LCLAT1: variants seen among roughly 807,000 people sequenced by gnomAD.
LCLAT1 encodes 1-AGP acyltransferase 8.
A neutral mutation model predicts 30.7 loss-of-function variants in LCLAT1; 11 were observed. That is an observed-to-expected ratio of 0.36 (90% CI 0.23 to 0.59). LCLAT1 has a LOEUF of 0.59. LCLAT1 is among the 20% of genes least tolerant of loss of function. LCLAT1 has a pLI of 0.77. For synonymous variants in LCLAT1, 155 were observed against 151.3 expected (o/e 1.02, Z -0.18); for missense variants, 402 against 458.6 (o/e 0.88, Z 1.13).
chr2:30,501,079 TGTGTGTGTG>T (rs1684358226), intron 1 of LCLAT1, among the ~76,000 whole-genome samples: 2 of 74,156 alleles, frequency 2.7e-5, no homozygotes, highest in African/African-American at 9.0e-5. Context: ...TTTTGTTCTG[TGTGTGTGTG>T]TGTGTGTGTA....
chr2:30,449,353 G>A (rs1043021566), intron 1 of LCLAT1, among the ~76,000 whole-genome samples: 1 of 152,174 alleles, frequency 6.6e-6, no homozygotes, highest in Non-Finnish European at 1.5e-5. Context: ...GTGATCTTGT[G>A]TAAATAATAA....
At chr2:30,518,416 C>G (rs1685297798) in intron 1 of LCLAT1, among the ~76,000 whole-genome samples, 1 of 152,028 alleles carries the variant, frequency 6.6e-6, no homozygotes, top group Non-Finnish European at 1.5e-5. Context: ...AATTGGTCTG[C>G]TCAAACGTGC....
chr2:30,533,248 C>T lies in LCLAT1; in HGVS notation c.298C>T (p.Arg100Ter), dbSNP rs1251476406. Residue 100 changes from arginine (R) to a stop codon, truncating the protein, a stop_gained, in exon 3 of 6, where the codon CGA (arginine) becomes TGA (stop). Coordinates refer to ENST00000379509, the MANE Select transcript of LCLAT1 (RefSeq NM_001002257.3). LOFTEE classifies it high-confidence loss of function. ...DWMFLWNCLM[R>*]YSYLRLEKIC... is the part of the protein sequence containing the mutation. The stretch of plus-strand genomic sequence containing the variant: ...GATGTTCCTGTGGAATTGCCTGATG[C>T]GATATAGCTACCTCAGATTGGAGAA... The T allele has an allele frequency of 8.7e-6, 14 of 1,613,782 alleles. No individual in the cohort carries two copies. Among genetic ancestry groups the T allele is most frequent in the East Asian group, 4.5e-5 (2 of 44,878 alleles).
chr2:30,538,123 A>G (rs893275500), intron 3 of LCLAT1, among the ~76,000 whole-genome samples: 1 of 152,182 alleles, frequency 6.6e-6, no homozygotes, highest in African/African-American at 2.4e-5. Flanking sequence ...TACATCAAAA[A>G]AGTAAAAAGA....
intron 1 of LCLAT1, among the ~76,000 whole-genome samples, chr2:30,520,067 C>G (rs1452026188): frequency 1.3e-5 from 2 of 152,314 alleles, no homozygotes; most frequent in East Asian, 3.9e-4. Context: ...GAACACTTGT[C>G]TCTGGGTTCC....
intron 1 of LCLAT1, among the ~76,000 whole-genome samples, chr2:30,493,595 T>A (rs1220840753): frequency 6.6e-6 from 1 of 152,200 alleles, no homozygotes; most frequent in African/African-American, 2.4e-5. Flanking sequence ...ATGTGTGTAG[T>A]TGTGTAACCC....
intron 5 of LCLAT1, among the ~76,000 whole-genome samples, chr2:30,604,689 C>T (rs1431525508): frequency 4.6e-4 from 56 of 122,348 alleles, no homozygotes; most frequent in Non-Finnish European, 1.4e-4. Context: ...AAAAAGTAAA[C>T]ATCATTCGTA....
At chr2:30,471,777 G>T (rs1008526416) in intron 1 of LCLAT1, among the ~76,000 whole-genome samples, 6 of 152,098 alleles carry the variant, frequency 3.9e-5, no homozygotes, top group African/African-American at 7.2e-5. Context: ...TAGTATTTTT[G>T]TGGGTTCCTA....
chr2:30,596,232 G>C (rs948397116), intron 5 of LCLAT1, among the ~76,000 whole-genome samples: 1 of 152,158 alleles, frequency 6.6e-6, no homozygotes, highest in Non-Finnish European at 1.5e-5. Context: ...CTTCCACAGT[G>C]GTTGAACTAA....
chr2:30,557,283 C>CGTGTGTGTGT (rs373793652), intron 3 of LCLAT1, among the ~76,000 whole-genome samples: 1,814 of 138,626 alleles, frequency 0.013, 50 homozygotes, highest in African/African-American at 0.043. Context: ...AAGGTATGAT[C>CGTGTGTGTGT]GTGTGTGTGT....
intron 4 of LCLAT1, 39 bp downstream of exon 4, chr2:30,562,331 A>G (rs777695282): frequency 6.6e-7 from 1 of 1,504,772 alleles, no homozygotes; most frequent in Non-Finnish European, 9.0e-7. Context: ...GAAATCATGT[A>G]GTCTAAACTT....
At chr2:30,639,455 G>C (rs994269453) in intron 5 of LCLAT1, among the ~76,000 whole-genome samples, 14 of 150,180 alleles carry the variant, frequency 9.3e-5, no homozygotes, top group Non-Finnish European at 1.6e-4. Context: ...CTTACTTGGA[G>C]TTCAAGTTTA....
chr2:30,611,119 C>T (rs1572695760), intron 5 of LCLAT1, among the ~76,000 whole-genome samples: 1 of 149,140 alleles, frequency 6.7e-6, no homozygotes, highest in Admixed American at 6.7e-5. Context: ...TCAACAGACT[C>T]ATTAGCATTT....
intron 1 of LCLAT1, among the ~76,000 whole-genome samples, chr2:30,477,487 A>AT (rs758148080): frequency 6.6e-6 from 1 of 152,184 alleles, no homozygotes; most frequent in Non-Finnish European, 1.5e-5. Flanking sequence ...TTTGGTGTCC[A>AT]TTTATGAAAT....
At chr2:30,618,732 G>A (rs2148513841) in intron 5 of LCLAT1, among the ~76,000 whole-genome samples, 1 of 152,200 alleles carries the variant, frequency 6.6e-6, no homozygotes, top group South Asian at 2.1e-4. Context: ...AAATTTCAGT[G>A]TTCAGTTATT....
At position 30,640,526 on chromosome 2, in the gene LCLAT1, A is replaced by G. The variant is rs779864827; in HGVS notation, c.1038A>G (p.Gln346=). The G allele has an allele frequency of 8.7e-6, 14 of 1,614,012 alleles. No homozygotes were observed. The South Asian group carries it at 1.4e-4, about 16-fold the overall frequency. ...FIITIVIFVL[Q]ERIFGGLEII... ...TCACCATTGTAATCTTTGTGCTGCA[A>G]GAGAGAATATTTGGTGGACTGGAGA... The change falls in exon 6 of 6, where the codon CAA becomes CAG. Residue 346 remains glutamine, a synonymous_variant. Transcript: ENST00000379509.
intron 3 of LCLAT1, among the ~76,000 whole-genome samples, chr2:30,533,523 A>C (rs1260478488): frequency 6.6e-6 from 1 of 152,236 alleles, no homozygotes; most frequent in African/African-American, 2.4e-5. Context: ...AAGAGAAAAT[A>C]AACTGTTCTC....
At chr2:30,626,751 T>C (rs1175720574) in intron 5 of LCLAT1, among the ~76,000 whole-genome samples, 1 of 152,074 alleles carries the variant, frequency 6.6e-6, no homozygotes, top group African/African-American at 2.4e-5. Flanking sequence ...TCCTCTTTAG[T>C]AATGAAGCAT....
intron 2 of LCLAT1, 26 bp from the exon 3 acceptor site, chr2:30,533,090 G>T (rs200745439): frequency 6.7e-7 from 1 of 1,502,910 alleles, no homozygotes; most frequent in Non-Finnish European, 9.3e-7. Flanking sequence ...ACTTTAATTT[G>T]CTGTATATCT....
Sources: allele counts gnomAD v4.1 joint callset (sites outside exome capture counted in the v4.1 genomes callset), GRCh38; gene constraint gnomAD v4.1.1; transcripts MANE v1.5; gene names NCBI Gene and HGNC (gene_info 2026-07-23, HGNC 2026-07-21).